STK3: variants seen among roughly 807,000 people sequenced by gnomAD.
STK3 encodes the protein serine/threonine-protein kinase 3.
A neutral mutation model predicts 58.0 loss-of-function variants in STK3; 41 were observed. That is an observed-to-expected ratio of 0.71 (90% CI 0.55 to 0.92). The LOEUF (loss-of-function observed/expected upper bound fraction) is 0.92, where lower values mean the gene tolerates loss of function less well. Ranked by LOEUF, STK3 falls within the 40% of genes least tolerant of loss-of-function variation. The probability of loss-of-function intolerance (pLI) is 0.00; values close to 1 mark genes in which losing one functional copy is unlikely to be tolerated. For missense variants in STK3, 479 were observed against 602.7 expected (o/e 0.79, Z 2.15); for synonymous variants, 170 against 191.0 (o/e 0.89, Z 0.91).
chr8:98,893,490 A>G (rs201601098), intron 1 of STK3, among the ~76,000 whole-genome samples: 514 of 82,224 alleles, frequency 6.3e-3, no homozygotes, highest in Non-Finnish European at 9.6e-3. Context: ...AAGAAAGAGA[A>G]AGAAAGAAAG....
Position 98,841,813 on chromosome 8 carries a change from G to A in STK3, c.110+41834C>T, listed in dbSNP as rs187916700. Among the ~76,000 whole-genome samples the A allele has an allele frequency of 8.7e-3, 1,326 of 151,936 alleles. 12 individuals carry two copies. The highest frequency in any genetic ancestry group is 0.03 in the African/African-American group (1,247 of 41,474). ...AAAAAATACAAGGTTGTCTACTGCA[G>A]ACTATAAGAAAAATAGGACTTCAAC... On this transcript the variant is annotated intron_variant, in intron 3 of 12. Transcript: ENST00000523601.
Position 98,707,283 on chromosome 8 carries a change from A to G in STK3, c.380T>C (p.Leu127Pro), listed in dbSNP as rs1810660213. ...TTCTAGTCCTTTCAATGTAGATTTA[A>G]GAATGGTTGCAATTTCATCTTCTAT... ...TLIEDEIATILKSTLKGLEYL... is the reference protein window; with the variant it reads ...TLIEDEIATIPKSTLKGLEYL... The change falls in exon 5 of 11, where the codon CTT becomes CCT. Residue 127 changes from leucine to proline, a missense_variant. By Grantham distance (98) the Leu-to-Pro change is moderately conservative. This residue lies in a region of STK3 where 126 missense variants were observed against 210.1 expected (regional missense o/e 0.60). Transcript: ENST00000419617. 2 of 1,555,614 alleles carry G rather than the reference A, an allele frequency of 1.3e-6. No homozygotes were observed. The highest frequency in any genetic ancestry group is 1.7e-6 in the Non-Finnish European group (2 of 1,151,226).
At chr8:98,720,269 A>G (rs1192786979) in intron 4 of STK3, among the ~76,000 whole-genome samples, 1 of 152,226 alleles carries the variant, frequency 6.6e-6, no homozygotes. Context: ...CTACTTAAGT[A>G]AGTAAGCAGA....
At chr8:98,503,171 T>G (rs908987402) in intron 10 of STK3, among the ~76,000 whole-genome samples, 1 of 152,244 alleles carries the variant, frequency 6.6e-6, no homozygotes, top group African/African-American at 2.4e-5. Context: ...CCATTTCTTC[T>G]AGATTTTCTA....
chr8:98,818,461 C>T (rs192665288), intron 1 of STK3, among the ~76,000 whole-genome samples: 31 of 152,100 alleles, frequency 2.0e-4, no homozygotes, highest in East Asian at 3.9e-4. Context: ...CAGAGCAACA[C>T]AACAGAGAAC....
chr8:98,400,566 C>T (rs566390053), downstream of STK3, among the ~76,000 whole-genome samples: 1 of 152,366 alleles, frequency 6.6e-6, no homozygotes, highest in Non-Finnish European at 1.5e-5. Context: ...CCAGGCTTCT[C>T]CTGTTCCATT....
At chr8:98,687,800 A>G (rs918482423) in intron 6 of STK3, among the ~76,000 whole-genome samples, 1 of 152,204 alleles carries the variant, frequency 6.6e-6, no homozygotes, top group African/African-American at 2.4e-5. Context: ...GAAACAAAAG[A>G]ATGACATTTA....
intron 6 of STK3, among the ~76,000 whole-genome samples, chr8:98,688,870 C>T (rs1237604959): frequency 6.6e-6 from 1 of 151,778 alleles, no homozygotes; most frequent in Non-Finnish European, 1.5e-5. Context: ...CAAGAAAAAA[C>T]TAAACCCAAA....
At chr8:98,906,776 C>G (rs538182087) in intron 1 of STK3, among the ~76,000 whole-genome samples, 28 of 151,764 alleles carry the variant, frequency 1.8e-4, no homozygotes, top group African/African-American at 6.3e-4. Context: ...GAGATGTTCT[C>G]TACCAATTTT....
intron 3 of STK3, among the ~76,000 whole-genome samples, chr8:98,760,586 T>C (rs1830556751): frequency 6.6e-6 from 1 of 152,208 alleles, no homozygotes; most frequent in Non-Finnish European, 1.5e-5. Context: ...ATGCCAATCA[T>C]GAGCCACATT....
At chr8:98,460,063 A>G (rs957073245) in intron 10 of STK3, among the ~76,000 whole-genome samples, 1 of 152,176 alleles carries the variant, frequency 6.6e-6, no homozygotes, top group African/African-American at 2.4e-5. Flanking sequence ...AGCTTGCACC[A>G]TATGCCTGGA....
chr8:98,839,395 A>C (rs930894551), intron 3 of STK3, among the ~76,000 whole-genome samples: 7 of 152,168 alleles, frequency 4.6e-5, no homozygotes, highest in Non-Finnish European at 4.4e-5. Flanking sequence ...GAAATGAAGG[A>C]TCCTTCCTTC....
At chr8:98,903,546 T>A (rs1261271396) in intron 1 of STK3, among the ~76,000 whole-genome samples, 1 of 44,056 alleles carries the variant, frequency 2.3e-5, no homozygotes, top group African/African-American at 1.2e-4. Flanking sequence ...TTCTTCTTCT[T>A]CTTCTTCTTC....
intron 10 of STK3, among the ~76,000 whole-genome samples, chr8:98,502,448 T>C (rs1305885380): frequency 1.3e-5 from 2 of 152,170 alleles, no homozygotes; most frequent in African/African-American, 4.8e-5. Context: ...CTATGTTGAA[T>C]AGGAGTGGTA....
At chr8:98,547,526 T>C (rs1247484874) in intron 9 of STK3, among the ~76,000 whole-genome samples, 1 of 152,218 alleles carries the variant, frequency 6.6e-6, no homozygotes, top group Non-Finnish European at 1.5e-5. Flanking sequence ...TCCTTCTTTC[T>C]AGTGCTTCTT....
intron 2 of STK3, among the ~76,000 whole-genome samples, chr8:98,773,987 G>C (rs1831498705): frequency 6.6e-6 from 1 of 151,906 alleles, no homozygotes; most frequent in African/African-American, 2.4e-5. Flanking sequence ...GTAGACATGG[G>C]GTTTCTCCAT....
At chr8:98,794,703 A>G (rs1163121837) in intron 1 of STK3, among the ~76,000 whole-genome samples, 1 of 152,120 alleles carries the variant, frequency 6.6e-6, no homozygotes. Context: ...TGGCAAAGAC[A>G]CAAAGAAAAA....
chr8:98,798,102 C>T (rs1056054157), intron 1 of STK3, among the ~76,000 whole-genome samples: 3 of 152,146 alleles, frequency 2.0e-5, no homozygotes, highest in Non-Finnish European at 4.4e-5. Context: ...CCACATGATA[C>T]AGCAATAGAG....
chr8:98,670,915 C>T (rs552859177), intron 6 of STK3, among the ~76,000 whole-genome samples: 11 of 152,296 alleles, frequency 7.2e-5, no homozygotes, highest in Admixed American at 1.3e-4. Flanking sequence ...TCGGGACCCA[C>T]TGAATGTGGG....
Sources: allele counts gnomAD v4.1 joint callset (sites outside exome capture counted in the v4.1 genomes callset), GRCh38; gene constraint gnomAD v4.1.1; regional missense constraint gnomAD v4.1.1; transcripts MANE v1.5; gene names NCBI Gene and HGNC (gene_info 2026-07-23, HGNC 2026-07-21).